Variants in ZBTB46 observed in about 807,000 individuals in gnomAD.
ZBTB46 encodes zinc finger and BTB domain-containing protein 46.
A neutral mutation model predicts 44.1 loss-of-function variants in ZBTB46; 8 were observed. The observed-to-expected ratio is 0.18, with a 90% CI of 0.11 to 0.33. ZBTB46 has a LOEUF of 0.33. ZBTB46 is among the 10% of genes least tolerant of loss of function. The probability of loss-of-function intolerance (pLI) is 1.00; values close to 1 mark genes in which losing one functional copy is unlikely to be tolerated. For missense variants in ZBTB46, 651 were observed against 847.7 expected (o/e 0.77, Z 2.88); for synonymous variants, 409 against 382.3 (o/e 1.07, Z -0.81).
rs756921217 is a variant in ZBTB46, at chr20:63,752,667, G to A, written c.1398+19C>T. On this transcript the variant is annotated intron_variant, in intron 4 of 4. Transcript: ENST00000245663. The surrounding 1 kb of genome is among the most constrained non-coding windows in gnomAD (Gnocchi z 5.6). ...TGGCCACGCGCAGCGCGCGGCACGC[G>A]GACCCTCCCCGCACTCACCAGCGTG... The A allele has an allele frequency of 2.2e-5, 34 of 1,524,376 alleles. No individual in the cohort carries two copies. In the Admixed American group the frequency reaches 3.8e-4, roughly 17 times the overall value. 94.4% of individuals were successfully genotyped at this position (1,524,376 alleles called of 1,614,324 possible).
chr20:63,770,438 C>CT (rs2092359202), intron 3 of ZBTB46, among the ~76,000 whole-genome samples: 1 of 152,208 alleles, frequency 6.6e-6, no homozygotes, highest in African/African-American at 2.4e-5. Flanking sequence ...GGCAAGTCCT[C>CT]TGACAGGGAT....
intron 2 of ZBTB46, among the ~76,000 whole-genome samples, chr20:63,783,958 C>T (rs553644323): frequency 2.6e-5 from 4 of 152,300 alleles, no homozygotes; most frequent in East Asian, 3.9e-4. Flanking sequence ...CACATTCCGT[C>T]GGGCACCAGG....
At chr20:63,774,218 G>A (rs1046236413) in intron 3 of ZBTB46, among the ~76,000 whole-genome samples, 30 of 152,102 alleles carry the variant, frequency 2.0e-4, no homozygotes, top group African/African-American at 6.5e-4. Flanking sequence ...CTGAGTACAC[G>A]GAATAAAGGG....
Position 63,767,852 on chromosome 20 carries a change from G to C in ZBTB46, c.1222+7826C>G. On this transcript the variant is annotated intron_variant, in intron 3 of 4. Coordinates refer to ENST00000245663, the MANE Select transcript of ZBTB46 (RefSeq NM_001369741.1). This position sits in a 1 kb window ranked among gnomAD's most constrained non-coding sequence, Gnocchi z 5.0. ...GGCTGGGCAAGTCCATCCAGGCCTG[G>C]GCTGGAAGAAGACTCCTCAGGCATC... The C allele has an allele frequency of 1.0e-6, 1 of 982,258 alleles. No homozygotes were observed. Among genetic ancestry groups the C allele is most frequent in the Non-Finnish European group, 1.2e-6 (1 of 827,004 alleles). 60.8% of individuals were successfully genotyped at this position (982,258 alleles called of 1,614,324 possible). A position where few individuals can be genotyped will look rare whatever the true frequency, so the allele number is the denominator to read the frequency against.
rs765386057 is a variant in ZBTB46, at chr20:63,820,414, A to G, written c.-34+10683T>C. On this transcript the variant is annotated intron_variant, in intron 1 of 4. Transcript: ENST00000245663. ...GCGCCTGGCCAATGTAAACAGGCAC[A>G]CTTTTTAAGAAGTATATTATATATA... 5.1e-4 allele frequency among the ~76,000 whole-genome samples: 77 copies of G among 150,250 alleles called. 1 individual carries two copies. Among genetic ancestry groups the G allele is most frequent in the African/African-American group, 1.7e-3 (68 of 40,852 alleles).
In ZBTB46 at chr20:63,756,854, G is replaced by A. The variant is rs556312041; in HGVS notation, c.1223-3993C>T. 1.2e-4 allele frequency among the ~76,000 whole-genome samples: 18 copies of A among 152,330 alleles called. No homozygotes were observed. In the East Asian group the frequency reaches 2.1e-3, roughly 18 times the overall value. ...AGGAGGATGTGGTTGTTTGTGGTGCGTGGTACTCCATGACACCACTAAGCC... is the reference window on the plus strand; with the variant it reads ...AGGAGGATGTGGTTGTTTGTGGTGCATGGTACTCCATGACACCACTAAGCC... On this transcript the variant is annotated intron_variant, in intron 3 of 4. Coordinates refer to ENST00000245663, the MANE Select transcript of ZBTB46 (RefSeq NM_001369741.1).
At chr20:63,830,769 G>A (rs1185010856) in intron 1 of ZBTB46, among the ~76,000 whole-genome samples, 2 of 146,132 alleles carry the variant, frequency 1.4e-5, no homozygotes, top group Non-Finnish European at 3.0e-5. Flanking sequence ...CGGGGGCCGA[G>A]GGGCCGGGGC....
intron 2 of ZBTB46, 28 bp from the exon 3 acceptor site, chr20:63,775,990 G>A (rs2092422880): frequency 3.3e-6 from 5 of 1,515,254 alleles, no homozygotes; most frequent in South Asian, 1.3e-5. Flanking sequence ...CACGTCAGAA[G>A]ACACGGGTCG....
intron 1 of ZBTB46, among the ~76,000 whole-genome samples, chr20:63,821,440 C>CCT (rs1555858462): frequency 7.2e-6 from 1 of 139,478 alleles, no homozygotes; most frequent in Non-Finnish European, 1.6e-5. Context: ...AGCAGGCACG[C>CCT]TTTTTTTTTT....
At chr20:63,751,731 G>T (rs1568828228) in intron 4 of ZBTB46, among the ~76,000 whole-genome samples, 1 of 89,626 alleles carries the variant, frequency 1.1e-5, no homozygotes, top group Non-Finnish European at 2.1e-5. Flanking sequence ...GCACCATGAA[G>T]CCCCGCCCCC....
At chr20:63,749,913 A>G (rs1310469708) in intron 4 of ZBTB46, among the ~76,000 whole-genome samples, 2 of 152,240 alleles carry the variant, frequency 1.3e-5, no homozygotes, top group Non-Finnish European at 2.9e-5. Context: ...CCCTGGAAGG[A>G]AGCAAGAAGG....
At chr20:63,824,519 T>A (rs1350631128) in intron 1 of ZBTB46, among the ~76,000 whole-genome samples, 1 of 152,052 alleles carries the variant, frequency 6.6e-6, no homozygotes, top group African/African-American at 2.4e-5. Context: ...ACAAAAGCCC[T>A]GAACCACGCC....
chr20:63,805,154 C>G (rs1175135691), intron 1 of ZBTB46, among the ~76,000 whole-genome samples: 2 of 151,948 alleles, frequency 1.3e-5, no homozygotes, highest in African/African-American at 2.4e-5. Flanking sequence ...CTCTTGACCT[C>G]GTGATCCGCC....
intron 3 of ZBTB46, among the ~76,000 whole-genome samples, chr20:63,765,038 TGC>T (rs746359044): frequency 1.5e-4 from 7 of 47,762 alleles, no homozygotes; most frequent in Non-Finnish European, 3.2e-4. Context: ...TGTGTGTGTG[TGC>T]GTGCGTGTGT....
chr20:63,798,685 A>AAAAAAAAAAAAACAAAAAAAC (rs1417351365), intron 1 of ZBTB46, among the ~76,000 whole-genome samples: 4 of 127,954 alleles, frequency 3.1e-5, no homozygotes, highest in African/African-American at 1.3e-4. Flanking sequence ...AAAAAAAAAA[A>AAAAAAAAAAAAACAAAAAAAC]AAAAAAAATT....
In ZBTB46 at chr20:63,787,230, G is replaced by A. The variant is rs78959367; in HGVS notation, c.937+2591C>T. ...TGGTCCCGTAGATTAGAACGCAGCC[G>A]GGAAATTCCTGTCACCTGGTGGCGT... On this transcript the variant is annotated intron_variant, in intron 2 of 4. Transcript: ENST00000245663. The surrounding 1 kb of genome is among the most constrained non-coding windows in gnomAD (Gnocchi z 4.6). 2.0e-3 allele frequency among the ~76,000 whole-genome samples: 310 copies of A among 152,252 alleles called. No homozygotes were observed. Among genetic ancestry groups the A allele is most frequent in the African/African-American group, 6.9e-3 (286 of 41,546 alleles).
In ZBTB46 at chr20:63,760,999, CTTT is replaced by C. The variant is rs372831458; in HGVS notation, c.1223-8141_1223-8139del. ...CCTGCTTTCTACTTCATTGATAGCTCTTTTTTTTTTTTTTTTTCAGATGGAGTC... is the reference window on the plus strand; with the variant it reads ...CCTGCTTTCTACTTCATTGATAGCTCTTTTTTTTTTTTTTCAGATGGAGTC... On this transcript the variant is annotated intron_variant, in intron 3 of 4. Transcript: ENST00000245663. Among the ~76,000 whole-genome samples, 306 of 127,910 alleles carry C rather than the reference CTTT, an allele frequency of 2.4e-3. 4 individuals carry two copies. The highest frequency in any genetic ancestry group is 6.8e-3 in the African/African-American group (232 of 34,046). 83.9% of individuals were successfully genotyped at this position (127,910 alleles called of 152,430 possible).
chr20:63,774,904 C>T (rs1447925407), intron 3 of ZBTB46, among the ~76,000 whole-genome samples: 1 of 152,028 alleles, frequency 6.6e-6, no homozygotes, highest in East Asian at 1.9e-4. Context: ...GGGGTTTCAC[C>T]GTGTTGGCCA....
chr20:63,831,562 G>A (rs2092852649), upstream of ZBTB46, among the ~76,000 whole-genome samples: 1 of 148,698 alleles, frequency 6.7e-6, no homozygotes, highest in African/African-American at 2.4e-5. Context: ...GGCATTGTGG[G>A]AAGCCCCCTC....
Sources: gnomAD v4.1 joint callset for allele counts (sites outside exome capture counted in the v4.1 genomes callset) on GRCh38, gnomAD v4.1.1 for gene constraint, Gnocchi (gnomAD v3.1) non-coding constraint, MANE v1.5 for transcripts, NCBI Gene and HGNC (gene_info 2026-07-23, HGNC 2026-07-21) for gene names.